Variants in OTOA observed in about 807,000 individuals in gnomAD.
The protein encoded by OTOA is otoancorin.
Under a neutral mutation model 110.8 loss-of-function variants are expected in OTOA, and 70 were observed. That is an observed-to-expected ratio of 0.63 (90% confidence interval 0.52 to 0.77). OTOA has a LOEUF of 0.77. Ranked by LOEUF, OTOA falls within the 30% of genes least tolerant of loss-of-function variation. OTOA has a pLI of 0.00. For synonymous variants in OTOA, 373 were observed against 431.5 expected, an observed-to-expected ratio of 0.86 and a Z score of 1.68; for missense variants, 917 against 1,075.8, an observed-to-expected ratio of 0.85 and a Z score of 2.06.
At chr16:21,716,853 C>A in intron 14 of OTOA, 54 bp from the exon 15 acceptor site, 1 of 1,609,734 alleles carries the variant, frequency 6.2e-7, no homozygotes, top group South Asian at 1.1e-5. Flanking sequence ...GGCCCTTCCT[C>A]AAAGCTCAAT....
At chr16:21,723,166 A>T (rs990100279) in intron 18 of OTOA, among the ~76,000 whole-genome samples, 188 bp downstream of exon 18, 1 of 152,274 alleles carries the variant, frequency 6.6e-6, no homozygotes, top group African/African-American at 2.4e-5. Context: ...TTTGAGACAG[A>T]CCTTCTTGCT....
At chr16:21,695,892 T>TATATATATATA (rs377002847) in intron 9 of OTOA, among the ~76,000 whole-genome samples, 17 of 21,064 alleles carry the variant, frequency 8.1e-4, no homozygotes, top group African/African-American at 2.3e-3. Context: ...TATATATATA[T>TATATATATATA]TTTTTTTTTT....
intron 17 of OTOA, 79 bp from the exon 18 acceptor site, chr16:21,722,826 T>A (rs192219687): frequency 7.8e-7 from 1 of 1,279,488 alleles, no homozygotes; most frequent in East Asian, 2.3e-5. Flanking sequence ...GCACTTAGAA[T>A]AGTACCTGGC....
chr16:21,726,389 C>T (rs954578817), intron 18 of OTOA, 134 bp from the exon 19 acceptor site: 99 of 1,290,780 alleles, frequency 7.7e-5, no homozygotes, highest in Non-Finnish European at 1.1e-4. Context: ...CTGCAGGGAG[C>T]CAAAGCATCA....
At position 21,685,216 on chromosome 16, in the gene OTOA, C is replaced by A. The variant is rs370853687; in HGVS notation, c.268-14C>A. ...TTTCTGTTCTCACCGACTCTCCCAA[C>A]ACCCCAAATACAGGCAGCCGTGGAA... On this transcript the variant is annotated splice_polypyrimidine_tract_variant and intron_variant, in intron 6 of 28. Coordinates refer to ENST00000646100, the MANE Select transcript of OTOA (RefSeq NM_144672.4). The A allele has an allele frequency of 1.2e-6, 2 of 1,610,838 alleles. No individual in the cohort carries two copies. Among genetic ancestry groups the A allele is most frequent in the South Asian group, 1.1e-5 (1 of 90,952 alleles).
At chr16:21,687,299 TG>T in intron 7 of OTOA, 113 bp from the exon 8 acceptor site, 1 of 848,302 alleles carries the variant, frequency 1.2e-6, no homozygotes, top group Non-Finnish European at 2.0e-6. Context: ...CATAGCAGCA[TG>T]GTGTTAAACA....
At chr16:21,680,436 C>A (rs566114666) in intron 5 of OTOA, among the ~76,000 whole-genome samples, 2 of 152,066 alleles carry the variant, frequency 1.3e-5, no homozygotes, top group East Asian at 3.8e-4. Flanking sequence ...ATCACTTGAA[C>A]GCGGGAGGCT....
Position 21,685,320 on chromosome 16 carries a change from A to T in OTOA, c.358A>T (p.Thr120Ser), listed in dbSNP as rs748997472. 6.2e-7 allele frequency: 1 copy of T among 1,613,088 alleles called. No homozygotes were observed. Among genetic ancestry groups the T allele is most frequent in the South Asian group, 1.1e-5 (1 of 91,074 alleles). The change falls in exon 7 of 29, where the codon ACT becomes TCT. Residue 120 changes from threonine to serine, a missense_variant. Physicochemically the swap from Thr to Ser is moderately conservative, Grantham distance 58. Coordinates refer to ENST00000646100, the MANE Select transcript of OTOA (RefSeq NM_144672.4). ...LRKTDAQQFRTAMKCLLEDKK... is the reference protein window; with the variant it reads ...LRKTDAQQFRSAMKCLLEDKK... ...GAAGACAGACGCCCAGCAGTTCCGC[A>T]CTGCCATGAAATGCCTCTTAGAAGA...
At chr16:21,719,626 G>C (rs1898668093) in intron 17 of OTOA, 122 bp downstream of exon 17, 1 of 985,394 alleles carries the variant, frequency 1.0e-6, no homozygotes, top group Non-Finnish European at 1.6e-6. Flanking sequence ...TGATGACTTA[G>C]GGCCAAAGAT....
intron 17 of OTOA, among the ~76,000 whole-genome samples, chr16:21,721,014 A>C (rs1331431901): frequency 1.3e-5 from 2 of 151,382 alleles, no homozygotes; most frequent in Non-Finnish European, 2.9e-5. Flanking sequence ...CCCTGGGTTC[A>C]AGTGATTCTC....
chr16:21,698,908 G>A (rs1897996331), intron 10 of OTOA, among the ~76,000 whole-genome samples: 1 of 151,958 alleles, frequency 6.6e-6, no homozygotes, highest in South Asian at 2.1e-4. Context: ...TGTAGAGAAG[G>A]GAGAAGTCAA....
chr16:21,685,288 A>G lies in OTOA; in HGVS notation c.326A>G (p.Asp109Gly). The change falls in exon 7 of 29, where the codon GAC becomes GGC. Residue 109 changes from aspartate (D) to glycine (G), a missense_variant. Physicochemically the swap from Asp to Gly is moderately conservative, Grantham distance 94 (BLOSUM62 -1). Around this residue, in one of 6 missense-constraint regions of OTOA, gnomAD observed 840 missense variants for 910.2 expected, o/e 0.92. Coordinates refer to ENST00000646100, the MANE Select transcript of OTOA (RefSeq NM_144672.4). ...CACCAGCCCCAGAAGCTGCTGGAGG[A>G]CCTGAGGAAGACAGACGCCCAGCAG... is the stretch of plus-strand genomic sequence containing the variant. ...RLHQPQKLLE[D>G]LRKTDAQQFR... 6.2e-7 allele frequency: 1 copy of G among 1,613,148 alleles called. No homozygotes were observed. The highest frequency in any genetic ancestry group is 8.5e-7 in the Non-Finnish European group (1 of 1,179,292).
intron 17 of OTOA, among the ~76,000 whole-genome samples, chr16:21,722,062 C>CA (rs201830335): frequency 1.3e-3 from 70 of 53,882 alleles, no homozygotes; most frequent in East Asian, 4.2e-3. Context: ...TTAAAAAATA[C>CA]AAAAAAAAAA....
chr16:21,728,591 A>AT (rs144501675), intron 20 of OTOA, among the ~76,000 whole-genome samples, 160 bp downstream of exon 20: 171 of 143,808 alleles, frequency 1.2e-3, no homozygotes, highest in Admixed American at 1.4e-3. Context: ...TTGGCTTCAG[A>AT]TTTTTTTTTT....
At chr16:21,690,059 A>G (rs553559358) in intron 8 of OTOA, among the ~76,000 whole-genome samples, 2 of 152,260 alleles carry the variant, frequency 1.3e-5, no homozygotes, top group South Asian at 4.1e-4. Context: ...CCACTTCCCC[A>G]AAAAAGGACC....
rs1597824772 is a variant in OTOA at position 21,705,212 on chromosome 16, G to A, written c.1024G>A (p.Asp342Asn). Residue 342 changes from aspartate (D) to asparagine (N), a missense_variant, in exon 12 of 29, where the codon GAT becomes AAT. Asp to Asn is a conservative substitution (Grantham distance 23). This residue lies in a region of OTOA where 840 missense variants were observed against 910.2 expected (regional missense o/e 0.92). Coordinates refer to ENST00000646100, the MANE Select transcript of OTOA (RefSeq NM_144672.4). The part of the protein sequence containing the change: ...VCFYNDLELL[D>N]ATVAQVLLYQ... ...TTTCTACAATGACCTGGAATTGCTG[G>A]ATGCCACTGTGGCTCAAGTCCTGCT... 2 of 1,614,104 alleles carry A rather than the reference G, an allele frequency of 1.2e-6. No homozygotes were observed. The highest frequency in any genetic ancestry group is 1.7e-6 in the Non-Finnish European group (2 of 1,180,018).
chr16:21,705,137 C>T, intron 11 of OTOA, 32 bp from the exon 12 acceptor site: 1 of 1,614,140 alleles, frequency 6.2e-7, no homozygotes, highest in Non-Finnish European at 8.5e-7. Flanking sequence ...TGCGGTTACA[C>T]CTCCACCACC....
intron 6 of OTOA, among the ~76,000 whole-genome samples, 157 bp from the exon 7 acceptor site, chr16:21,685,073 T>C (rs1897683478): frequency 6.6e-6 from 1 of 152,080 alleles, no homozygotes; most frequent in African/African-American, 2.4e-5. Flanking sequence ...TGTTGGCGGC[T>C]AATGAGGAAA....
In OTOA at chr16:21,726,645, T is replaced by C; in HGVS notation, c.2003T>C (p.Val668Ala). Residue 668 changes from valine (V) to alanine (A), a missense_variant, in exon 19 of 29, where the codon GTG (valine) becomes GCG (alanine). Physicochemically the swap from Val to Ala is moderately conservative, Grantham distance 64. Transcript: ENST00000646100. ...SHKKTSVLRK[V>A]QQCLDDSIAD... ...AAAAAGACTTCAGTCCTCAGGAAAG[T>C]GCAGCAGTGCCTGGTAAGAAAACTC... The C allele has an allele frequency of 6.2e-7, 1 of 1,614,090 alleles. No homozygotes were observed. Among genetic ancestry groups the C allele is most frequent in the Non-Finnish European group, 8.5e-7 (1 of 1,179,998 alleles).
Sources: allele counts gnomAD v4.1 joint callset (sites outside exome capture counted in the v4.1 genomes callset), GRCh38; gene constraint gnomAD v4.1.1; regional missense constraint gnomAD v4.1.1; transcripts MANE v1.5; gene names NCBI Gene and HGNC (gene_info 2026-07-23, HGNC 2026-07-21).